Variants in SDR42E2 observed in about 807,000 individuals in gnomAD.
SDR42E2 encodes short chain dehydrogenase/reductase family 42E, member 2, also known as putative short-chain dehydrogenase/reductase family 42E member 2.
Under a neutral mutation model 10.5 loss-of-function variants are expected in SDR42E2, and 20 were observed. The ratio of observed to expected loss-of-function variants is 1.90; its 90% CI spans 1.34 to 2.77. The LOEUF (loss-of-function observed/expected upper bound fraction) is 2.77, where lower values mean the gene tolerates loss of function less well. SDR42E2 is among the 30% of genes most tolerant of loss of function. The probability of loss-of-function intolerance (pLI) is 0.00; values close to 1 mark genes in which losing one functional copy is unlikely to be tolerated. For missense variants in SDR42E2, 162 were observed against 104.2 expected (o/e 1.55, Z -2.42); for synonymous variants, 72 against 39.2 (o/e 1.84, Z -3.12).
chr16:22,167,795 T>G (rs1417539311), intron 4 of SDR42E2, among the ~76,000 whole-genome samples: 1 of 152,188 alleles, frequency 6.6e-6, no homozygotes, highest in East Asian at 1.9e-4. Flanking sequence ...TAACTCAAAG[T>G]GTGCAGATTA....
intron 12 of SDR42E2, among the ~76,000 whole-genome samples, chr16:22,188,373 A>G (rs1414920279): frequency 1.3e-5 from 2 of 152,168 alleles, no homozygotes; most frequent in African/African-American, 4.8e-5. Context: ...GGATCAGTGG[A>G]GGAGAGAATA....
chr16:22,172,471 C>A (rs915962629), intron 7 of SDR42E2, 140 bp downstream of exon 7: 52 of 658,948 alleles, frequency 7.9e-5, no homozygotes, highest in Non-Finnish European at 1.3e-4. Context: ...CTTGCCCATT[C>A]ATCATTCAGC....
Position 22,191,425 on chromosome 16 carries a change from G to C in SDR42E2, c.*1032G>C, listed in dbSNP as rs1052910203. On this transcript the variant is annotated 3_prime_UTR_variant, in exon 13 of 13. Transcript: ENST00000602312. ...CGGAACCAGGCTGCCGCGTCGCTATGGGCTAACGCAGGCTCGGGTGACGTT... is the reference window on the plus strand; with the variant it reads ...CGGAACCAGGCTGCCGCGTCGCTATCGGCTAACGCAGGCTCGGGTGACGTT... 6.6e-6 allele frequency: 1 copy of C among 152,382 alleles called. No individual in the cohort carries two copies. 9.4% of individuals were successfully genotyped at this position (152,382 alleles called of 1,614,324 possible).
chr16:22,188,986 C>A (rs559618021), intron 12 of SDR42E2, among the ~76,000 whole-genome samples: 1 of 152,266 alleles, frequency 6.6e-6, no homozygotes, highest in African/African-American at 2.4e-5. Flanking sequence ...TCGCGAGAAA[C>A]TCCAGTGCAC....
intron 9 of SDR42E2, among the ~76,000 whole-genome samples, chr16:22,181,879 T>C (rs2046698617): frequency 1.3e-5 from 2 of 152,194 alleles, no homozygotes; most frequent in African/African-American, 4.8e-5. Context: ...GTTGGCGTTG[T>C]TGATCCCAGA....
In SDR42E2 at chr16:22,168,289, G is replaced by A. The variant is rs182113325; in HGVS notation, c.337-1156G>A. On this transcript the variant is annotated intron_variant, in intron 4 of 12. Coordinates refer to ENST00000602312, the MANE Select transcript of SDR42E2 (RefSeq NM_001394319.2). ...TTATTTATTTATTTATTTTTGAGAC[G>A]GAGTTTCGCTCAGTCACCAAGGCTG... Among the ~76,000 whole-genome samples, 194 of 151,678 alleles carry A rather than the reference G, an allele frequency of 1.3e-3. 1 individual carries two copies. Among genetic ancestry groups the A allele is most frequent in the Non-Finnish European group, 2.0e-3 (136 of 67,936 alleles).
intron 6 of SDR42E2, among the ~76,000 whole-genome samples, chr16:22,171,718 A>G (rs2046603153): frequency 6.6e-6 from 1 of 152,014 alleles, no homozygotes. Flanking sequence ...TTTTTAGTGG[A>G]TACAGGTTTC....
chr16:22,167,407 G>A (rs1206836717), intron 4 of SDR42E2, among the ~76,000 whole-genome samples: 3 of 151,766 alleles, frequency 2.0e-5, no homozygotes, highest in African/African-American at 7.3e-5. Context: ...CTGGTCTCAA[G>A]CTCCTGACCT....
chr16:22,165,880 G>T (rs2046531439), intron 2 of SDR42E2, among the ~76,000 whole-genome samples: 1 of 151,920 alleles, frequency 6.6e-6, no homozygotes, highest in Admixed American at 6.6e-5. Flanking sequence ...GCCAGGAGCT[G>T]GGTCCGTACC....
intron 11 of SDR42E2, among the ~76,000 whole-genome samples, chr16:22,186,409 G>A (rs976643547): frequency 4.6e-5 from 7 of 151,956 alleles, no homozygotes; most frequent in African/African-American, 1.7e-4. Context: ...GTTTCACCAT[G>A]TTGACCAGCC....
rs901279563 is a variant in SDR42E2, at chr16:22,190,726, A to C, written c.*333A>C. On this transcript the variant is annotated 3_prime_UTR_variant, in exon 13 of 13. Transcript: ENST00000602312. ...ACGTCCCTGGTCGGCCCAGACGCGT[A>C]GCCCCGAGTCTCTTTCCATGTTTTG... 3.4e-6 allele frequency: 1 copy of C among 289,958 alleles called. No homozygotes were observed. Among genetic ancestry groups the C allele is most frequent in the Non-Finnish European group, 6.3e-6 (1 of 159,962 alleles). The allele number at this position is 289,958 out of a possible 1,614,324, so 18.0% of individuals were successfully genotyped here.
At chr16:22,169,544 C>T in intron 5 of SDR42E2, 42 bp downstream of exon 5, 1 of 703,236 alleles carries the variant, frequency 1.4e-6, no homozygotes, top group Non-Finnish European at 2.6e-6. Context: ...TGCCTCTCCC[C>T]CTCTCTCCCT....
intron 9 of SDR42E2, among the ~76,000 whole-genome samples, chr16:22,181,920 C>T (rs1161593288): frequency 6.6e-6 from 1 of 152,166 alleles, no homozygotes; most frequent in African/African-American, 2.4e-5. Context: ...AGCCTCCACA[C>T]ATATTGTCGC....
chr16:22,175,423 A>C (rs2046636231), intron 7 of SDR42E2, among the ~76,000 whole-genome samples: 1 of 151,816 alleles, frequency 6.6e-6, no homozygotes, highest in Non-Finnish European at 1.5e-5. Context: ...ACCCTCTCTC[A>C]AAAACAAATG....
At chr16:22,170,606 A>G (rs2046590054) in intron 5 of SDR42E2, among the ~76,000 whole-genome samples, 1 of 152,096 alleles carries the variant, frequency 6.6e-6, no homozygotes, top group Non-Finnish European at 1.5e-5. Flanking sequence ...GGGCCCACAG[A>G]GCAGGAACTT....
chr16:22,171,044 A>G (rs1349381967), intron 6 of SDR42E2, 93 bp downstream of exon 6: 18 of 690,586 alleles, frequency 2.6e-5, no homozygotes, highest in Non-Finnish European at 4.8e-5. Context: ...TTGGTTTCAC[A>G]ACTCAGGATA....
At position 22,181,525 on chromosome 16, in the gene SDR42E2, A is replaced by T; in HGVS notation, c.679A>T (p.Ile227Phe). The T allele has an allele frequency of 1.4e-6, 1 of 703,076 alleles. No homozygotes were observed. Among genetic ancestry groups the T allele is most frequent in the Non-Finnish European group, 2.6e-6 (1 of 385,000 alleles). 43.6% of individuals were successfully genotyped at this position (703,076 alleles called of 1,614,324 possible). Residue 227 changes from isoleucine to phenylalanine, a missense_variant, in exon 9 of 13, where the codon ATC (isoleucine) becomes TTC (phenylalanine). Physicochemically the swap from Ile to Phe is conservative, Grantham distance 21. Transcript: ENST00000602312. ...QRHLPRVAGHIKKRLFMFRFG... is the reference protein window; with the variant it reads ...QRHLPRVAGHFKKRLFMFRFG... ...ACCCACTCCTCTCCACCAGGGCCAC[A>T]TCAAGAAGAGGCTGTTCATGTTCCG...
At chr16:22,174,523 CTT>C (rs762127533) in intron 7 of SDR42E2, among the ~76,000 whole-genome samples, 136 of 152,208 alleles carry the variant, frequency 8.9e-4, no homozygotes, top group Non-Finnish European at 1.4e-3. Context: ...AGCATCAACT[CTT>C]TTCCCTAAAA....
Position 22,179,903 on chromosome 16 carries a change from C to CG in SDR42E2, c.673-1609dup, listed in dbSNP as rs531573390. On this transcript the variant is annotated intron_variant, in intron 8 of 12. Transcript: ENST00000602312. Reference sequence around the variant, plus strand: ...GGGAATTGGGCTTGTCAGGTAGTCACGGGGGGGCTCATTTAGAAAGGGACA... The same window carrying CG: ...GGGAATTGGGCTTGTCAGGTAGTCACGGGGGGGGCTCATTTAGAAAGGGACA... 9.3e-5 allele frequency among the ~76,000 whole-genome samples: 14 copies of CG among 150,966 alleles called. No homozygotes were observed. The East Asian group carries it at 2.5e-3, about 27-fold the overall frequency.
Sources: allele counts gnomAD v4.1 joint callset (sites outside exome capture counted in the v4.1 genomes callset), GRCh38; gene constraint gnomAD v4.1.1; transcripts MANE v1.5; gene names NCBI Gene and HGNC (gene_info 2026-07-23, HGNC 2026-07-21).